The following CUX2 variants were observed in gnomAD, a reference collection of about 807,000 sequenced individuals.
CUX2 encodes the protein homeobox protein cut-like 2.
A neutral mutation model predicts 144.8 loss-of-function variants in CUX2; 40 were observed. The observed-to-expected ratio is 0.28, with a 90% CI of 0.21 to 0.36. The LOEUF (loss-of-function observed/expected upper bound fraction) is 0.36, where lower values mean the gene tolerates loss of function less well. CUX2 is among the 10% of genes least tolerant of loss of function. The pLI is 1.00. For missense variants in CUX2, 1,615 were observed against 1,994.0 expected (o/e 0.81, Z 3.62); for synonymous variants, 827 against 875.6 (o/e 0.94, Z 0.98).
rs566368032 is a variant in CUX2 at position 111,259,828 on chromosome 12, T to C, written c.223-3933T>C. 8.8e-4 allele frequency among the ~76,000 whole-genome samples: 128 copies of C among 146,250 alleles called. 1 individual carries two copies. Among genetic ancestry groups the C allele is most frequent in the Non-Finnish European group, 1.5e-3 (99 of 66,806 alleles). On this transcript the variant is annotated intron_variant, in intron 3 of 21. Transcript: ENST00000261726. ...AAAAAAAAAGAAATTAAGAAGTGGG[T>C]GAATTTAATTTTAATAATATATTTT...
intron 19 of CUX2, among the ~76,000 whole-genome samples, chr12:111,335,432 T>G (rs1888308553): frequency 6.6e-6 from 1 of 150,616 alleles, no homozygotes; most frequent in South Asian, 2.1e-4. Context: ...AAAAACAAGC[T>G]GGGCCCGGTG....
At chr12:111,174,971 G>A (rs1244954017) in intron 1 of CUX2, among the ~76,000 whole-genome samples, 2 of 152,172 alleles carry the variant, frequency 1.3e-5, no homozygotes, top group South Asian at 4.1e-4. Context: ...TTCTGCTACA[G>A]CATGAGGAAG....
intron 4 of CUX2, among the ~76,000 whole-genome samples, chr12:111,272,257 A>G (rs1428334808): frequency 6.6e-6 from 1 of 152,144 alleles, no homozygotes; most frequent in East Asian, 1.9e-4. Flanking sequence ...TACAGGAAAT[A>G]GAGATTTTCT....
intron 1 of CUX2, among the ~76,000 whole-genome samples, chr12:111,131,987 A>G (rs1424190807): frequency 6.6e-6 from 1 of 151,906 alleles, no homozygotes; most frequent in Non-Finnish European, 1.5e-5. Context: ...CCCAGTAGGG[A>G]CTCTGTTGGG....
chr12:111,258,672 T>C (rs1437652425), intron 3 of CUX2, among the ~76,000 whole-genome samples: 1 of 152,108 alleles, frequency 6.6e-6, no homozygotes, highest in Non-Finnish European at 1.5e-5. Context: ...TGATTCACAC[T>C]GAGTGCCAGT....
intron 1 of CUX2, among the ~76,000 whole-genome samples, chr12:111,111,910 T>C (rs906139783): frequency 6.6e-6 from 1 of 152,166 alleles, no homozygotes; most frequent in Non-Finnish European, 1.5e-5. Flanking sequence ...GGGAAACGGT[T>C]CTCCCACGGG....
intron 1 of CUX2, among the ~76,000 whole-genome samples, chr12:111,156,810 TCTA>T (rs767498381): frequency 1.1e-4 from 16 of 151,960 alleles, no homozygotes; most frequent in Admixed American, 4.6e-4. Flanking sequence ...AGACCCCATC[TCTA>T]CTAAAAATAC....
intron 14 of CUX2, among the ~76,000 whole-genome samples, chr12:111,309,812 G>T: frequency 6.8e-6 from 1 of 147,714 alleles, no homozygotes; most frequent in African/African-American, 2.5e-5. Flanking sequence ...CCTCTCATGT[G>T]ATTTCTCTCT....
rs951561424 is a variant in CUX2, at chr12:111,084,056, A to G, written c.63+49816A>G. ...GACGGAAGGATGAGTAGAAGTGTAC[A>G]TGGGGAAGTGTGAGGGAACAGCATA... On this transcript the variant is annotated intron_variant, in intron 1 of 21. Transcript: ENST00000261726. 2.1e-4 allele frequency among the ~76,000 whole-genome samples: 32 copies of G among 152,220 alleles called. 1 individual carries two copies. The highest frequency in any genetic ancestry group is 1.0e-3 in the South Asian group (5 of 4,816).
chr12:111,256,119 A>G (rs990483217), intron 3 of CUX2, among the ~76,000 whole-genome samples: 6 of 151,658 alleles, frequency 4.0e-5, no homozygotes, highest in African/African-American at 1.5e-4. Context: ...CATGGCTTCC[A>G]GGGGTTCTCA....
intron 16 of CUX2, 101 bp from the exon 17 acceptor site, chr12:111,319,911 C>T: frequency 7.2e-7 from 1 of 1,388,104 alleles, no homozygotes; most frequent in Non-Finnish European, 9.3e-7. Context: ...CAGAGGTTGC[C>T]TGGACACCGT....
chr12:111,272,707 A>T (rs561373285), intron 4 of CUX2, among the ~76,000 whole-genome samples: 1 of 152,240 alleles, frequency 6.6e-6, no homozygotes, highest in South Asian at 2.1e-4. Flanking sequence ...CAGGTGATCC[A>T]CCTGCCTCGG....
chr12:111,208,636 C>T (rs1285515273), intron 1 of CUX2, among the ~76,000 whole-genome samples: 1 of 152,128 alleles, frequency 6.6e-6, no homozygotes, highest in East Asian at 1.9e-4. Flanking sequence ...ATGGGAGACT[C>T]AGATATGATT....
At chr12:111,093,816 T>A (rs956575149) in intron 1 of CUX2, among the ~76,000 whole-genome samples, 2 of 152,270 alleles carry the variant, frequency 1.3e-5, no homozygotes, top group Non-Finnish European at 2.9e-5. Flanking sequence ...GCCCTGGCGA[T>A]GGACACCTTA....
rs149571691 is a variant in CUX2, at chr12:111,098,653, G to A, written c.63+64413G>A. ...GTGACATGTTAACGGGGGAATGGCC[G>A]GAGGGGACCTATACCCCCAGCCCCA... On this transcript the variant is annotated intron_variant, in intron 1 of 21. Coordinates refer to ENST00000261726, the MANE Select transcript of CUX2 (RefSeq NM_015267.4). Among the ~76,000 whole-genome samples, 1,130 of 152,320 alleles carry A rather than the reference G, an allele frequency of 7.4e-3. 12 individuals carry two copies. The highest frequency in any genetic ancestry group is 0.022 in the African/African-American group (934 of 41,564).
intron 16 of CUX2, among the ~76,000 whole-genome samples, chr12:111,313,948 C>T (rs1430782614): frequency 6.6e-6 from 1 of 152,158 alleles, no homozygotes; most frequent in Non-Finnish European, 1.5e-5. Flanking sequence ...TGTCTGCTGC[C>T]CCCTGGTGGC....
At chr12:111,280,578 G>A (rs11611512) in intron 4 of CUX2, among the ~76,000 whole-genome samples, 2,168 of 152,214 alleles carry the variant, frequency 0.014, 23 homozygotes, top group Non-Finnish European at 0.022. Flanking sequence ...TTTCAGCTGC[G>A]GAATCCAGAA....
Position 111,077,024 on chromosome 12 carries a change from A to G in CUX2, c.63+42784A>G, listed in dbSNP as rs1387717972. 6.6e-6 allele frequency among the ~76,000 whole-genome samples: 1 copy of G among 152,196 alleles called. No individual in the cohort carries two copies. The highest frequency in any genetic ancestry group is 1.5e-5 in the Non-Finnish European group (1 of 68,038). On this transcript the variant is annotated intron_variant, in intron 1 of 21. Coordinates refer to ENST00000261726, the MANE Select transcript of CUX2 (RefSeq NM_015267.4). The surrounding 1 kb of genome is among the most constrained non-coding windows in gnomAD (Gnocchi z 4.1). Reference sequence around the variant, plus strand: ...TGGCTCTTTTCATCTCCTCTTTTAAACAGTCCCATTGCAACAGAGCTATTC... The same window carrying G: ...TGGCTCTTTTCATCTCCTCTTTTAAGCAGTCCCATTGCAACAGAGCTATTC...
rs115315517 is a variant in CUX2, at chr12:111,109,057, G to A, written c.63+74817G>A. Among the ~76,000 whole-genome samples the A allele has an allele frequency of 8.2e-3, 1,241 of 152,262 alleles. 20 individuals carry two copies. Among genetic ancestry groups the A allele is most frequent in the African/African-American group, 0.028 (1,173 of 41,532 alleles). ...TTGGTGGGTTCAGGAGCTGTCAGCCGGTCCATCCATTGTCAAGTTTCCCAT... is the reference window on the plus strand; with the variant it reads ...TTGGTGGGTTCAGGAGCTGTCAGCCAGTCCATCCATTGTCAAGTTTCCCAT... On this transcript the variant is annotated intron_variant, in intron 1 of 21. Coordinates refer to ENST00000261726, the MANE Select transcript of CUX2 (RefSeq NM_015267.4).
Sources: gnomAD v4.1 joint callset for allele counts (sites outside exome capture counted in the v4.1 genomes callset) on GRCh38, gnomAD v4.1.1 for gene constraint, Gnocchi (gnomAD v3.1) non-coding constraint, MANE v1.5 for transcripts, NCBI Gene and HGNC (gene_info 2026-07-23, HGNC 2026-07-21) for gene names.